Variants in MAN2A1 observed in about 807,000 individuals in gnomAD.
MAN2A1 encodes the protein alpha-mannosidase 2.
In MAN2A1, 76 loss-of-function variants were observed where a neutral mutation model predicts 142.6. The ratio of observed to expected loss-of-function variants is 0.53; its 90% CI spans 0.44 to 0.65. The LOEUF (loss-of-function observed/expected upper bound fraction) is 0.65, where lower values mean the gene tolerates loss of function less well. Among genes scored for constraint, MAN2A1 ranks in the 30% least tolerant of loss-of-function variants. MAN2A1 has a pLI of 0.00. For synonymous variants in MAN2A1, 559 were observed against 473.2 expected, an observed-to-expected ratio of 1.18 and a Z score of -2.35; for missense variants, 1,311 against 1,365.1, an observed-to-expected ratio of 0.96 and a Z score of 0.62.
intron 1 of MAN2A1, among the ~76,000 whole-genome samples, chr5:109,694,834 TCTTA>T (rs1750768591): frequency 2.6e-5 from 4 of 152,216 alleles, no homozygotes; most frequent in Admixed American, 1.3e-4. Flanking sequence ...AATCTGTAAA[TCTTA>T]CTTAAGAATG....
intron 3 of MAN2A1, among the ~76,000 whole-genome samples, chr5:109,720,763 A>T (rs888980188): frequency 4.2e-4 from 64 of 152,232 alleles, no homozygotes; most frequent in Admixed American, 4.2e-3. Context: ...CCTGGGCCAC[A>T]TGCAGCCCGT....
chr5:109,726,088 C>T (rs1476935302), intron 3 of MAN2A1, among the ~76,000 whole-genome samples: 2 of 152,054 alleles, frequency 1.3e-5, no homozygotes, highest in Non-Finnish European at 2.9e-5. Context: ...TAATGCTGTT[C>T]TAGCCCTCGT....
intron 4 of MAN2A1, among the ~76,000 whole-genome samples, chr5:109,743,938 C>T (rs984957283): frequency 7.9e-5 from 12 of 152,308 alleles, no homozygotes; most frequent in Middle Eastern, 3.4e-3. Flanking sequence ...CTTCCTGCTT[C>T]ACACTCTACT....
At chr5:109,710,475 A>G (rs920396721) in intron 1 of MAN2A1, among the ~76,000 whole-genome samples, 2 of 152,052 alleles carry the variant, frequency 1.3e-5, no homozygotes, top group Non-Finnish European at 2.9e-5. Context: ...AGTTTGTAGT[A>G]TTATAATATT....
At chr5:109,826,768 G>GT in intron 16 of MAN2A1, among the ~76,000 whole-genome samples, 2 of 152,332 alleles carry the variant, frequency 1.3e-5, no homozygotes, top group South Asian at 4.1e-4. Flanking sequence ...GCCTGAAAGG[G>GT]TGATCAGTCT....
intron 8 of MAN2A1, among the ~76,000 whole-genome samples, chr5:109,780,225 T>A (rs1191137428): frequency 1.4e-5 from 2 of 142,738 alleles, no homozygotes; most frequent in Non-Finnish European, 3.2e-5. Context: ...ACCCAGCTAA[T>A]TTTTTTTTGT....
intron 5 of MAN2A1, among the ~76,000 whole-genome samples, chr5:109,758,365 TAG>T (rs959129582): frequency 1.7e-4 from 26 of 152,168 alleles, no homozygotes; most frequent in African/African-American, 6.0e-4. Context: ...TATTTTTCAG[TAG>T]AGTTATTTAT....
intron 3 of MAN2A1, among the ~76,000 whole-genome samples, chr5:109,718,612 TA>T (rs1350592807): frequency 6.6e-6 from 1 of 152,168 alleles, no homozygotes; most frequent in Non-Finnish European, 1.5e-5. Context: ...GCATATAGAA[TA>T]ATTGCCAAAT....
chr5:109,714,937 T>C (rs1407780768), intron 2 of MAN2A1, among the ~76,000 whole-genome samples: 2 of 151,896 alleles, frequency 1.3e-5, no homozygotes, highest in East Asian at 1.9e-4. Context: ...TAGTTTTTTG[T>C]TGAGTACTTC....
intron 4 of MAN2A1, among the ~76,000 whole-genome samples, chr5:109,749,558 G>A (rs1222783926): frequency 6.6e-6 from 1 of 151,934 alleles, no homozygotes; most frequent in Non-Finnish European, 1.5e-5. Context: ...GGATTTGTTA[G>A]ATAAACATAT....
chr5:109,829,434 A>G (rs1291710851), intron 16 of MAN2A1, among the ~76,000 whole-genome samples: 3 of 152,180 alleles, frequency 2.0e-5, no homozygotes, highest in Non-Finnish European at 4.4e-5. Context: ...ACATTCTCAT[A>G]ACAAGCAGAT....
intron 17 of MAN2A1, among the ~76,000 whole-genome samples, chr5:109,845,284 A>G (rs1755317738): frequency 6.6e-6 from 1 of 152,204 alleles, no homozygotes; most frequent in African/African-American, 2.4e-5. Flanking sequence ...ACATTCAGGT[A>G]CTAGGCTGCA....
intron 4 of MAN2A1, among the ~76,000 whole-genome samples, chr5:109,750,279 TTTG>T (rs1243835823): frequency 6.6e-6 from 1 of 152,072 alleles, no homozygotes; most frequent in Non-Finnish European, 1.5e-5. Flanking sequence ...GTTTTTGGGT[TTTG>T]TTGTTGTTAA....
In MAN2A1 at chr5:109,814,494, C is replaced by T. The variant is rs547330371; in HGVS notation, c.1944-2779C>T. ...AGTTCGTGTGTCAGATAAATTTGTT[C>T]TGTGATGCACATAAAAAACATGCTG... On this transcript the variant is annotated intron_variant, in intron 12 of 21. Transcript: ENST00000261483. 2.0e-5 allele frequency among the ~76,000 whole-genome samples: 3 copies of T among 152,254 alleles called. No individual in the cohort carries two copies. The East Asian group carries it at 5.8e-4, about 29-fold the overall frequency.
intron 11 of MAN2A1, 27 bp from the exon 12 acceptor site, chr5:109,789,433 T>C (rs1362872782): frequency 1.4e-6 from 2 of 1,409,310 alleles, no homozygotes; most frequent in Middle Eastern, 2.3e-4. Context: ...TTAAGTAAAA[T>C]TAAAAAATTA....
chr5:109,732,155 G>A (rs1303298965), intron 4 of MAN2A1, among the ~76,000 whole-genome samples: 2 of 150,676 alleles, frequency 1.3e-5, no homozygotes, highest in Admixed American at 1.3e-4. Flanking sequence ...CTGCATAAAT[G>A]TCTTCTTTTG....
At chr5:109,699,864 TAAAA>T (rs140847839) in intron 1 of MAN2A1, 3 of 152,244 alleles carry the variant, frequency 2.0e-5, no homozygotes, top group Non-Finnish European at 4.4e-5. Context: ...TAAAAAATGT[TAAAA>T]AAAAGAAAAC....
intron 4 of MAN2A1, among the ~76,000 whole-genome samples, chr5:109,738,271 G>C (rs928786581): frequency 3.7e-5 from 3 of 80,136 alleles, no homozygotes; most frequent in Non-Finnish European, 7.6e-5. Flanking sequence ...CCTGATCTTT[G>C]TTGGCTTCTG....
intron 5 of MAN2A1, among the ~76,000 whole-genome samples, chr5:109,756,894 T>C (rs572515062): frequency 3.3e-5 from 5 of 152,300 alleles, no homozygotes; most frequent in African/African-American, 1.2e-4. Flanking sequence ...ATTCTTAGTA[T>C]GTGCTGAACA....
Sources: gnomAD v4.1 joint callset for allele counts (sites outside exome capture counted in the v4.1 genomes callset) on GRCh38, gnomAD v4.1.1 for gene constraint, MANE v1.5 for transcripts, NCBI Gene and HGNC (gene_info 2026-07-23, HGNC 2026-07-21) for gene names.